TMEM171: variants seen among roughly 807,000 people sequenced by gnomAD.
TMEM171 encodes proline-rich protein PRP2.
TMEM171 carries 16 observed loss-of-function variants against 19.1 expected under a neutral mutation model. That is an observed-to-expected ratio of 0.84 (90% CI 0.57 to 1.27). The LOEUF (loss-of-function observed/expected upper bound fraction) is 1.27. Ranked by LOEUF, TMEM171 falls within the 50% of genes most tolerant of loss-of-function variation. The pLI is 0.00. For synonymous variants in TMEM171, 153 were observed against 163.4 expected (o/e 0.94, Z 0.48); for missense variants, 429 against 412.7 (o/e 1.04, Z -0.34).
rs779047093 is a variant in TMEM171 at position 73,123,492 on chromosome 5, C to T, written c.119C>T (p.Ser40Phe). The T allele has an allele frequency of 6.1e-5, 99 of 1,614,090 alleles. No homozygotes were observed. Among genetic ancestry groups the T allele is most frequent in the Middle Eastern group, 1.6e-4 (1 of 6,084 alleles). ...AVLLCVGVLL[S>F]IFGFQACQYK... is the part of the protein sequence containing the mutation. ...TTGTTGTGTGTGGGAGTCCTGCTCT[C>T]CATCTTTGGGTTCCAGGCATGCCAA... The change falls in exon 2 of 4, where the codon TCC (serine) becomes TTC (phenylalanine). Residue 40 changes from serine to phenylalanine, a missense_variant. Coordinates refer to ENST00000454765, the MANE Select transcript of TMEM171 (RefSeq NM_173490.8).
rs1209110725 is a variant in TMEM171 at position 73,123,895 on chromosome 5, A to G, written c.522A>G (p.Gly174=). The change falls in exon 2 of 4, where the codon GGA becomes GGG. Residue 174 remains glycine, a synonymous_variant. Coordinates refer to ENST00000454765, the MANE Select transcript of TMEM171 (RefSeq NM_173490.8). ...TGGGGCCCTTGATTGTGCTTGTGGG[A>G]TTGTGTTTCTTCGTGGTTGCCCATG... The part of the protein sequence containing the change: ...QIMGPLIVLV[G]LCFFVVAHVK... 1 of 1,613,984 alleles carries G rather than the reference A, an allele frequency of 6.2e-7. No homozygotes were observed. The highest frequency in any genetic ancestry group is 8.5e-7 in the Non-Finnish European group (1 of 1,179,992).
At chr5:73,127,592 A>G (rs1331467643) in intron 2 of TMEM171, among the ~76,000 whole-genome samples, 3 of 150,842 alleles carry the variant, frequency 2.0e-5, no homozygotes, top group Admixed American at 2.0e-4. Flanking sequence ...GCCTGCCACC[A>G]CGCCTGCCTG....
rs1428382442 is a variant in TMEM171, at chr5:73,131,583, A to C, written c.828A>C (p.Glu276Asp). Residue 276 changes from glutamate to aspartate, a missense_variant, in exon 4 of 4, where the codon GAA becomes GAC. By Grantham distance (45) the Glu-to-Asp change is conservative. Coordinates refer to ENST00000454765, the MANE Select transcript of TMEM171 (RefSeq NM_173490.8). ...SEGAASERDC[E>D]SIYTISGTNS... is the part of the protein sequence containing the mutation. ...GTGCAGCCTCTGAAAGAGACTGTGA[A>C]TCTATATATACCATTTCTGGGACGA... 1 of 1,612,624 alleles carries C rather than the reference A, an allele frequency of 6.2e-7. No homozygotes were observed. The highest frequency in any genetic ancestry group is 8.5e-7 in the Non-Finnish European group (1 of 1,179,484).
intron 3 of TMEM171, among the ~76,000 whole-genome samples, chr5:73,130,470 C>G (rs1744302864): frequency 6.6e-6 from 1 of 152,110 alleles, no homozygotes; most frequent in South Asian, 2.1e-4. Flanking sequence ...GACTGGTGCT[C>G]ATTGCTGGGG....
Position 73,128,431 on chromosome 5 carries a change from T to C in TMEM171, c.682T>C (p.Phe228Leu), listed in dbSNP as rs779817135. The C allele has an allele frequency of 1.2e-6, 2 of 1,614,230 alleles. No individual in the cohort carries two copies. Among genetic ancestry groups the C allele is most frequent in the Admixed American group, 3.3e-5 (2 of 60,022 alleles). Residue 228 changes from phenylalanine to leucine, a missense_variant, in exon 3 of 4, where the codon TTT becomes CTT. Phe to Leu is a conservative substitution (Grantham distance 22). Transcript: ENST00000454765. Reference sequence around the variant, plus strand: ...ATTTCCACCCCCTCCACCACCTTACTTTCCTGAATCTTCAGCTTCTGCGGT... The same window carrying C: ...ATTTCCACCCCCTCCACCACCTTACCTTCCTGAATCTTCAGCTTCTGCGGT... ...IIFPPPPPPY[F>L]PESSASAVAE...
intron 3 of TMEM171, 81 bp from the exon 4 acceptor site, chr5:73,131,457 A>G: frequency 8.6e-7 from 1 of 1,160,338 alleles, no homozygotes; most frequent in Non-Finnish European, 1.2e-6. Flanking sequence ...CATGTAATCA[A>G]ACATTTGAAA....
In TMEM171 at chr5:73,123,701, G is replaced by T. The variant is rs1744072821; in HGVS notation, c.328G>T (p.Ala110Ser). The T allele has an allele frequency of 6.2e-7, 1 of 1,614,206 alleles. No homozygotes were observed. The highest frequency in any genetic ancestry group is 2.2e-5 in the East Asian group (1 of 44,886). ...AFICGESRQF[A>S]QCLIFGFLFL... is the part of the protein sequence containing the mutation. ...CATCTGTGGAGAGAGCCGCCAGTTT[G>T]CCCAGTGCCTTATCTTTGGGTTTCT... The change falls in exon 2 of 4, where the codon GCC becomes TCC. Residue 110 changes from alanine to serine, a missense_variant. Transcript: ENST00000454765.
Position 73,123,523 on chromosome 5 carries a change from G to T in TMEM171, c.150G>T (p.Lys50Asn), listed in dbSNP as rs764318879. Residue 50 changes from lysine (K) to asparagine (N), a missense_variant, in exon 2 of 4, where the codon AAG becomes AAT. Coordinates refer to ENST00000454765, the MANE Select transcript of TMEM171 (RefSeq NM_173490.8). ...TTGGGTTCCAGGCATGCCAATATAA[G>T]CCCCTCCCAGACTGCCCCATGGTGC... ...SIFGFQACQY[K>N]PLPDCPMVLK... is the part of the protein sequence containing the mutation. 4.3e-6 allele frequency: 7 copies of T among 1,614,198 alleles called. No individual in the cohort carries two copies. In the South Asian group the frequency reaches 7.7e-5, roughly 18 times the overall value.
chr5:73,130,599 G>T (rs991051467), intron 3 of TMEM171, among the ~76,000 whole-genome samples: 1 of 152,150 alleles, frequency 6.6e-6, no homozygotes, highest in African/African-American at 2.4e-5. Flanking sequence ...GGGCCTGGAG[G>T]GAATGAAGTT....
chr5:73,127,384 A>AAAAAAATATATAT, intron 2 of TMEM171, among the ~76,000 whole-genome samples: 3 of 81,696 alleles, frequency 3.7e-5, no homozygotes, highest in African/African-American at 1.3e-4. Flanking sequence ...AAAAAAAAAA[A>AAAAAAATATATAT]ATATATATAT....
intron 1 of TMEM171, among the ~76,000 whole-genome samples, chr5:73,121,146 G>C (rs897862646): frequency 1.3e-5 from 2 of 152,164 alleles, no homozygotes; most frequent in African/African-American, 4.8e-5. Context: ...TTATGGATCA[G>C]AGGTGAACAC....
chr5:73,128,986 G>A (rs146480219), intron 3 of TMEM171, among the ~76,000 whole-genome samples: 3,127 of 152,276 alleles, frequency 0.021, 46 homozygotes, highest in African/African-American at 0.023. Flanking sequence ...CTAGCTACTC[G>A]GGAGGCTGAG....
In TMEM171 at chr5:73,131,726, C is replaced by A. The variant is rs751210399; in HGVS notation, c.971C>A (p.Pro324Gln). The A allele has an allele frequency of 6.2e-7, 1 of 1,606,304 alleles. No homozygotes were observed. Among genetic ancestry groups the A allele is most frequent in the Non-Finnish European group, 8.5e-7 (1 of 1,177,104 alleles). ...CCTCTATCTTCTGAGCCTTCCCCAC[C>A]GTAAACTATGGACTCTAGTTCAGTT... is the stretch of plus-strand genomic sequence containing the variant. ...FLPLSSEPSPP is the reference protein window; with the variant it reads ...FLPLSSEPSPQ Residue 324 changes from proline to glutamine, a missense_variant, in exon 4 of 4, where the codon CCG (proline) becomes CAG (glutamine). Pro to Gln is a moderately conservative substitution (Grantham distance 76, BLOSUM62 -1). Transcript: ENST00000454765.
In TMEM171 at chr5:73,120,839, G is replaced by C. The variant is rs185734712; in HGVS notation, c.-69+143G>C. ...ACCTGCGTCCCTGCGAGCCCCTCCGGCTGTTGCTTGCGCTCGGGCTCCCTA... is the reference window on the plus strand; with the variant it reads ...ACCTGCGTCCCTGCGAGCCCCTCCGCCTGTTGCTTGCGCTCGGGCTCCCTA... On this transcript the variant is annotated intron_variant, in intron 1 of 3. Coordinates refer to ENST00000454765, the MANE Select transcript of TMEM171 (RefSeq NM_173490.8). 1,120 of 762,604 alleles carry C rather than the reference G, an allele frequency of 1.5e-3. 9 individuals are homozygous for C. The African/African-American group carries it at 0.02, about 14-fold the overall frequency. The allele number at this position is 762,604 out of a possible 1,614,324, so 47.2% of individuals were successfully genotyped here. A position where few individuals can be genotyped will look rare whatever the true frequency, so the allele number is the denominator to read the frequency against.
intron 1 of TMEM171, 84 bp downstream of exon 1, chr5:73,120,780 G>C: frequency 1.0e-6 from 1 of 978,730 alleles, no homozygotes; most frequent in Non-Finnish European, 1.2e-6. Context: ...GCGGGGAGCC[G>C]CGGCAGCGCG....
At chr5:73,131,253 G>A (rs1238608220) in intron 3 of TMEM171, among the ~76,000 whole-genome samples, 1 of 151,786 alleles carries the variant, frequency 6.6e-6, no homozygotes, top group Non-Finnish European at 1.5e-5. Context: ...GTGTGTCTAT[G>A]TTCTCTTTGG....
At chr5:73,124,875 A>T (rs947506251) in intron 2 of TMEM171, among the ~76,000 whole-genome samples, 1 of 152,180 alleles carries the variant, frequency 6.6e-6, no homozygotes, top group South Asian at 2.1e-4. Context: ...TCATTGGCAG[A>T]TCACTTTTTT....
In TMEM171 at chr5:73,123,827, G is replaced by T. The variant is rs1188100353; in HGVS notation, c.454G>T (p.Asp152Tyr). ...ACCGCTAAACGAGACAGACACTGGC[G>T]ACTCAGAGCCCCGGATGTGTGGGTT... is the stretch of plus-strand genomic sequence containing the variant. The part of the protein sequence containing the change: ...QEPLNETDTG[D>Y]SEPRMCGFLS... Residue 152 changes from aspartate (D) to tyrosine (Y), a missense_variant, in exon 2 of 4, where the codon GAC (aspartate) becomes TAC (tyrosine). Physicochemically the swap from Asp to Tyr is radical, Grantham distance 160 (BLOSUM62 -3). Transcript: ENST00000454765. 1 of 1,612,752 alleles carries T rather than the reference G, an allele frequency of 6.2e-7. No homozygotes were observed. Among genetic ancestry groups the T allele is most frequent in the South Asian group, 1.1e-5 (1 of 90,906 alleles).
chr5:73,124,752 C>T (rs1269289230), intron 2 of TMEM171, among the ~76,000 whole-genome samples: 1 of 152,144 alleles, frequency 6.6e-6, no homozygotes, highest in African/African-American at 2.4e-5. Flanking sequence ...CTTTTGGGTC[C>T]CCCGGGTTCT....
Sources: gnomAD v4.1 joint callset for allele counts (sites outside exome capture counted in the v4.1 genomes callset) on GRCh38, gnomAD v4.1.1 for gene constraint, MANE v1.5 for transcripts, NCBI Gene and HGNC (gene_info 2026-07-23, HGNC 2026-07-21) for gene names.